The following WWOX variants were observed in gnomAD, a reference collection of about 807,000 sequenced individuals.
The protein encoded by WWOX is WW domain containing oxidoreductase, also known as WW domain-containing oxidoreductase.
In WWOX, 69 loss-of-function variants were observed where a neutral mutation model predicts 46.2. The ratio of observed to expected loss-of-function variants is 1.49; its 90% CI spans 1.23 to 1.82. The LOEUF (loss-of-function observed/expected upper bound fraction) is 1.82. WWOX is among the 40% of genes most tolerant of loss of function. WWOX has a pLI of 0.00. For missense variants in WWOX, 919 were observed against 542.6 expected, an observed-to-expected ratio of 1.69 and a Z score of -6.89; for synonymous variants, 359 against 202.6, an observed-to-expected ratio of 1.77 and a Z score of -6.56.
rs536105197 is a variant in WWOX, at chr16:78,607,036, C to T, written c.1056+174284C>T. On this transcript the variant is annotated intron_variant, in intron 8 of 8. Coordinates refer to ENST00000566780, the MANE Select transcript of WWOX (RefSeq NM_016373.4). ...ACAACCTGGTGAACTGAATAGAGTT[C>T]CCCACTTCTCAGAACAATGCAAATG... is the stretch of plus-strand genomic sequence containing the variant. 3.9e-5 allele frequency among the ~76,000 whole-genome samples: 6 copies of T among 152,130 alleles called. No homozygotes were observed. The East Asian group carries it at 1.2e-3, about 29-fold the overall frequency.
intron 5 of WWOX, among the ~76,000 whole-genome samples, chr16:78,321,677 G>C (rs2080485428): frequency 6.6e-6 from 1 of 152,228 alleles, no homozygotes; most frequent in African/African-American, 2.4e-5. Flanking sequence ...GCATGGAAAA[G>C]TAAATGATTG....
At chr16:78,404,913 C>A (rs8045885) in intron 6 of WWOX, among the ~76,000 whole-genome samples, 1 of 152,268 alleles carries the variant, frequency 6.6e-6, no homozygotes, top group East Asian at 1.9e-4. Flanking sequence ...ATGAGACCTG[C>A]ATGTCAGATA....
At chr16:78,226,790 C>T (rs939430052) in intron 5 of WWOX, among the ~76,000 whole-genome samples, 1 of 152,006 alleles carries the variant, frequency 6.6e-6, no homozygotes, top group Non-Finnish European at 1.5e-5. Context: ...GTGTGTCGTA[C>T]GCAGGAAGTA....
intron 8 of WWOX, among the ~76,000 whole-genome samples, chr16:78,945,056 T>C (rs1293868073): frequency 6.6e-6 from 1 of 152,026 alleles, no homozygotes; most frequent in African/African-American, 2.4e-5. Context: ...GGCGTACACC[T>C]GTAGTCGCAG....
intron 8 of WWOX, among the ~76,000 whole-genome samples, chr16:79,046,598 T>C (rs1272151613): frequency 6.6e-6 from 1 of 152,042 alleles, no homozygotes; most frequent in East Asian, 1.9e-4. Context: ...TTCTCCCAGT[T>C]CCTCCCCAGT....
chr16:79,143,191 C>A (rs775333000), intron 8 of WWOX, among the ~76,000 whole-genome samples: 1 of 152,182 alleles, frequency 6.6e-6, no homozygotes, highest in African/African-American at 2.4e-5. Flanking sequence ...TTTATAGTTT[C>A]TCTCAAAGAA....
chr16:78,607,059 A>G (rs138452384), intron 8 of WWOX, among the ~76,000 whole-genome samples: 1 of 152,256 alleles, frequency 6.6e-6, no homozygotes, highest in Non-Finnish European at 1.5e-5. Context: ...AACAATGCAA[A>G]TGGTGGCCAA....
chr16:78,406,133 C>T (rs1180407057), intron 6 of WWOX, among the ~76,000 whole-genome samples: 1 of 151,286 alleles, frequency 6.6e-6, no homozygotes, highest in African/African-American at 2.4e-5. Flanking sequence ...GTCTTGCTTT[C>T]TCAAACTTAA....
chr16:79,093,434 G>T (rs2049004759), intron 8 of WWOX, among the ~76,000 whole-genome samples: 1 of 152,120 alleles, frequency 6.6e-6, no homozygotes, highest in African/African-American at 2.4e-5. Context: ...ACATTTTTCT[G>T]TTTGATTTAG....
At chr16:78,801,482 C>A (rs1331828798) in intron 8 of WWOX, among the ~76,000 whole-genome samples, 1 of 152,208 alleles carries the variant, frequency 6.6e-6, no homozygotes, top group African/African-American at 2.4e-5. Flanking sequence ...GCACTCCAAC[C>A]TGGGTGACAA....
intron 8 of WWOX, among the ~76,000 whole-genome samples, chr16:78,511,549 C>G (rs568710902): frequency 1.3e-5 from 2 of 152,140 alleles, no homozygotes; most frequent in Admixed American, 6.6e-5. Context: ...AAAATGGATT[C>G]GAGTGATTAC....
chr16:78,941,237 C>G (rs968455307), intron 8 of WWOX, among the ~76,000 whole-genome samples: 9 of 152,220 alleles, frequency 5.9e-5, no homozygotes, highest in African/African-American at 1.9e-4. Flanking sequence ...TCAGGCAAAA[C>G]ATTTGGTTCT....
chr16:78,654,399 C>T (rs1204219059), intron 8 of WWOX, among the ~76,000 whole-genome samples: 3 of 152,190 alleles, frequency 2.0e-5, no homozygotes, highest in Non-Finnish European at 4.4e-5. Flanking sequence ...TATCAACTAA[C>T]TGCTGTGTAC....
intron 8 of WWOX, among the ~76,000 whole-genome samples, chr16:78,661,931 C>G (rs2047223469): frequency 6.6e-6 from 1 of 152,086 alleles, no homozygotes; most frequent in Non-Finnish European, 1.5e-5. Flanking sequence ...GTGGTCTGAG[C>G]TACTCAGGAG....
At chr16:78,934,611 C>T (rs2045697465) in intron 8 of WWOX, among the ~76,000 whole-genome samples, 1 of 152,058 alleles carries the variant, frequency 6.6e-6, no homozygotes. Flanking sequence ...ACCCTCTTCC[C>T]CTATGACCCA....
At chr16:79,046,560 G>A (rs1428543755) in intron 8 of WWOX, among the ~76,000 whole-genome samples, 1 of 152,198 alleles carries the variant, frequency 6.6e-6, no homozygotes, top group Admixed American at 6.5e-5. Flanking sequence ...ATGGTGGGAA[G>A]AGGGTGAGAG....
chr16:78,976,902 C>T (rs1959156590), intron 8 of WWOX, among the ~76,000 whole-genome samples: 1 of 152,296 alleles, frequency 6.6e-6, no homozygotes, highest in East Asian at 1.9e-4. Flanking sequence ...ACCTCCCATG[C>T]CCTTTTCTTT....
At chr16:78,138,007 C>G (rs907174794) in intron 4 of WWOX, among the ~76,000 whole-genome samples, 3 of 150,706 alleles carry the variant, frequency 2.0e-5, no homozygotes, top group South Asian at 2.1e-4. Context: ...CAGAACCTCG[C>G]TCAAGGAAAA....
chr16:78,594,221 A>G (rs186009204), intron 8 of WWOX, among the ~76,000 whole-genome samples: 1 of 151,746 alleles, frequency 6.6e-6, no homozygotes, highest in African/African-American at 2.4e-5. Context: ...AAGCAAACCT[A>G]TGTGTATGTG....
Sources: gnomAD v4.1 joint callset for allele counts (sites outside exome capture counted in the v4.1 genomes callset) on GRCh38, gnomAD v4.1.1 for gene constraint, MANE v1.5 for transcripts, NCBI Gene and HGNC (gene_info 2026-07-23, HGNC 2026-07-21) for gene names.